Variants in NRG1 observed in about 807,000 individuals in gnomAD.
The protein encoded by NRG1 is pro-neuregulin-1, membrane-bound isoform.
A neutral mutation model predicts 63.8 loss-of-function variants in NRG1; 18 were observed. The ratio of observed to expected loss-of-function variants is 0.28; its 90% CI spans 0.19 to 0.42. The LOEUF (loss-of-function observed/expected upper bound fraction) is 0.42, where lower values mean the gene tolerates loss of function less well. Among genes scored for constraint, NRG1 ranks in the 10% least tolerant of loss-of-function variants. The pLI is 1.00. For missense variants in NRG1, 762 were observed against 814.7 expected, an observed-to-expected ratio of 0.94 and a Z score of 0.79; for synonymous variants, 302 against 301.3, an observed-to-expected ratio of 1.00 and a Z score of -0.02.
At chr8:32,171,499 G>T (rs972063363) in intron 1 of NRG1, 3 of 152,466 alleles carry the variant, frequency 2.0e-5, no homozygotes, top group African/African-American at 4.8e-5. Flanking sequence ...GAAAGTGGGT[G>T]CAGGACAGTG....
At chr8:32,625,575 A>T (rs1031571778) in intron 5 of NRG1, among the ~76,000 whole-genome samples, 1 of 152,238 alleles carries the variant, frequency 6.6e-6, no homozygotes, top group Admixed American at 6.5e-5. Context: ...CACAAATTTA[A>T]TCAGTCTTTC....
intron 1 of NRG1, among the ~76,000 whole-genome samples, chr8:32,592,463 G>A (rs773101321): frequency 3.3e-5 from 5 of 151,922 alleles, no homozygotes; most frequent in Non-Finnish European, 7.4e-5. Flanking sequence ...TTTTGTTATT[G>A]ATGACATTGA....
At chr8:31,907,689 G>A (rs1270789723) in intron 1 of NRG1, among the ~76,000 whole-genome samples, 1 of 152,146 alleles carries the variant, frequency 6.6e-6, no homozygotes, top group Admixed American at 6.5e-5. Flanking sequence ...AATTCTCAAT[G>A]TAATAGAAGA....
At chr8:32,009,241 A>T (rs1008037662) in intron 1 of NRG1, among the ~76,000 whole-genome samples, 1 of 152,088 alleles carries the variant, frequency 6.6e-6, no homozygotes, top group African/African-American at 2.4e-5. Context: ...CCTTGCTTCC[A>T]TCATTCCCCT....
chr8:31,731,417 T>TACACACACACACACAC (rs139927733), intron 1 of NRG1, among the ~76,000 whole-genome samples: 9 of 148,312 alleles, frequency 6.1e-5, no homozygotes, highest in African/African-American at 2.2e-4. Context: ...AATTATGTCA[T>TACACACACACACACAC]ACACACACAC....
intron 1 of NRG1, among the ~76,000 whole-genome samples, chr8:32,465,255 G>A (rs181531802): frequency 7.9e-5 from 12 of 152,196 alleles, no homozygotes; most frequent in African/African-American, 2.9e-4. Context: ...ATGCAACCTG[G>A]GAAATTCACC....
chr8:32,453,128 C>T (rs189677578), intron 1 of NRG1, among the ~76,000 whole-genome samples: 5 of 152,158 alleles, frequency 3.3e-5, no homozygotes, highest in Admixed American at 6.5e-5. Context: ...TAAATCTTGC[C>T]GTGACTTTGG....
chr8:32,461,571 G>A (rs901672960), intron 1 of NRG1, among the ~76,000 whole-genome samples: 5 of 152,026 alleles, frequency 3.3e-5, no homozygotes, highest in East Asian at 1.9e-4. Flanking sequence ...GGTGGCGGGC[G>A]CCTGTAATCC....
At chr8:31,823,587 C>T (rs753578360) in intron 1 of NRG1, among the ~76,000 whole-genome samples, 34 of 152,122 alleles carry the variant, frequency 2.2e-4, no homozygotes, top group Non-Finnish European at 5.9e-5. Flanking sequence ...CTTGAAGTTT[C>T]CAGCAGATTT....
intron 5 of NRG1, among the ~76,000 whole-genome samples, chr8:32,723,972 G>A (rs1397824823): frequency 6.6e-6 from 1 of 152,040 alleles, no homozygotes; most frequent in Non-Finnish European, 1.5e-5. Flanking sequence ...GACCTTTTTT[G>A]CCAAGGCAAA....
intron 1 of NRG1, among the ~76,000 whole-genome samples, chr8:32,446,593 T>C (rs1435301469): frequency 6.6e-6 from 1 of 152,018 alleles, no homozygotes. Flanking sequence ...AAGTGGAGAT[T>C]GCAGTGAGCC....
chr8:32,446,574 G>A (rs1395706857), intron 1 of NRG1, among the ~76,000 whole-genome samples: 1 of 151,936 alleles, frequency 6.6e-6, no homozygotes, highest in Non-Finnish European at 1.5e-5. Flanking sequence ...ATAATTGCTT[G>A]AACCAGAGAA....
At chr8:32,100,574 T>C (rs1830444301) in intron 1 of NRG1, among the ~76,000 whole-genome samples, 2 of 152,170 alleles carry the variant, frequency 1.3e-5, no homozygotes, top group African/African-American at 4.8e-5. Context: ...GAAAGTCTTT[T>C]TTTTTAATGT....
rs529127760 is a variant in NRG1 at position 32,484,753 on chromosome 8, A to T, written c.38-111075A>T. Reference sequence around the variant, plus strand: ...ACAGAAGTTAACACATTTATTTGTGACCTATTAAAATCATGAAGTATTACC... The same window carrying T: ...ACAGAAGTTAACACATTTATTTGTGTCCTATTAAAATCATGAAGTATTACC... On this transcript the variant is annotated intron_variant, in intron 1 of 10. Coordinates refer to the NRG1 transcript ENST00000519301. Among the ~76,000 whole-genome samples the T allele has an allele frequency of 2.3e-3, 352 of 152,262 alleles. 1 individual carries two copies. Among genetic ancestry groups the T allele is most frequent in the South Asian group, 0.016 (75 of 4,828 alleles).
At chr8:31,845,121 A>ATAAATAAAT in intron 1 of NRG1, among the ~76,000 whole-genome samples, 1 of 151,814 alleles carries the variant, frequency 6.6e-6, no homozygotes, top group Admixed American at 6.6e-5. Flanking sequence ...AAATAAATAA[A>ATAAATAAAT]TAAATAAATA....
At chr8:32,704,086 C>A (rs1815685165) in intron 5 of NRG1, among the ~76,000 whole-genome samples, 1 of 152,192 alleles carries the variant, frequency 6.6e-6, no homozygotes, top group South Asian at 2.1e-4. Flanking sequence ...GTTAATTTAA[C>A]AAATTGCTAG....
chr8:31,694,609 T>C (rs1372121711), intron 1 of NRG1, among the ~76,000 whole-genome samples: 1 of 152,130 alleles, frequency 6.6e-6, no homozygotes, highest in Non-Finnish European at 1.5e-5. Flanking sequence ...AAAGCTTGTG[T>C]TTTGTATAGA....
intron 1 of NRG1, among the ~76,000 whole-genome samples, chr8:31,793,288 CA>C (rs1360610858): frequency 1.3e-5 from 2 of 152,170 alleles, no homozygotes; most frequent in Non-Finnish European, 2.9e-5. Context: ...CTCTGCTGCA[CA>C]GTTTTAGTGT....
At chr8:32,746,987 C>T (rs1378499786) in intron 7 of NRG1, among the ~76,000 whole-genome samples, 1 of 150,352 alleles carries the variant, frequency 6.7e-6, no homozygotes. Context: ...TGCTTGTTTC[C>T]TTGTTAGGGC....
Sources: allele counts gnomAD v4.1 joint callset (sites outside exome capture counted in the v4.1 genomes callset), GRCh38; gene constraint gnomAD v4.1.1; transcripts MANE v1.5; gene names NCBI Gene and HGNC (gene_info 2026-07-23, HGNC 2026-07-21).